The following LMLN variants were observed in gnomAD, a reference collection of about 807,000 sequenced individuals.
LMLN encodes leishmanolysin like peptidase, also known as leishmanolysin-like peptidase.
Under a neutral mutation model 92.3 loss-of-function variants are expected in LMLN, and 70 were observed. The observed-to-expected ratio is 0.76, with a 90% CI of 0.63 to 0.92. The LOEUF (loss-of-function observed/expected upper bound fraction) is 0.92. Among genes scored for constraint, LMLN ranks in the 40% least tolerant of loss-of-function variants. The pLI, the probability that LMLN is intolerant of heterozygous loss-of-function variation, is 0.00. For missense variants in LMLN, 691 were observed against 814.6 expected, an observed-to-expected ratio of 0.85 and a Z score of 1.85; for synonymous variants, 308 against 296.2, an observed-to-expected ratio of 1.04 and a Z score of -0.41.
chr3:197,988,733 G>A (rs932448824), intron 8 of LMLN, among the ~76,000 whole-genome samples: 10 of 152,050 alleles, frequency 6.6e-5, no homozygotes, highest in African/African-American at 2.4e-4. Context: ...CCAGGCTGGA[G>A]TGCTGTGGCG....
chr3:197,980,059 T>G (rs1721513308), intron 5 of LMLN, among the ~76,000 whole-genome samples: 1 of 152,200 alleles, frequency 6.6e-6, no homozygotes, highest in Admixed American at 6.5e-5. Context: ...GCGTCCTGTT[T>G]GGTTGGCCTT....
chr3:198,014,103 T>C (rs1387534374), intron 11 of LMLN, among the ~76,000 whole-genome samples: 586 of 83,402 alleles, frequency 7.0e-3, no homozygotes, highest in Middle Eastern at 0.02. Context: ...CCCTTCAGAG[T>C]CCCCTAACTA....
chr3:197,977,417 C>T (rs369757782), intron 5 of LMLN, among the ~76,000 whole-genome samples: 10 of 151,704 alleles, frequency 6.6e-5, no homozygotes, highest in African/African-American at 2.2e-4. Context: ...TCTGGAAGTA[C>T]ACACATGTTA....
intron 15 of LMLN, among the ~76,000 whole-genome samples, chr3:198,036,512 G>A (rs1723238775): frequency 6.6e-6 from 1 of 152,192 alleles, no homozygotes; most frequent in South Asian, 2.1e-4. Flanking sequence ...CATGCGAAAT[G>A]AGACAGAGAG....
chr3:197,963,321 A>T (rs747978659), intron 1 of LMLN, among the ~76,000 whole-genome samples: 2 of 151,356 alleles, frequency 1.3e-5, no homozygotes, highest in Non-Finnish European at 2.9e-5. Context: ...CTTCTGCCTT[A>T]ATCTCCCAAG....
intron 11 of LMLN, among the ~76,000 whole-genome samples, chr3:198,012,901 T>G (rs1194482226): frequency 3.1e-5 from 4 of 127,880 alleles, no homozygotes; most frequent in Non-Finnish European, 4.7e-5. Context: ...TAGTCTGACT[T>G]CTCTGTACCC....
chr3:198,038,363 A>G (rs1457315134), intron 15 of LMLN: 2 of 502,852 alleles, frequency 4.0e-6, no homozygotes, highest in East Asian at 3.3e-5. Context: ...TAGTGGATAC[A>G]TCATTTCTTC....
chr3:197,967,944 G>T (rs1721105166), intron 1 of LMLN, among the ~76,000 whole-genome samples: 1 of 152,114 alleles, frequency 6.6e-6, no homozygotes, highest in South Asian at 2.1e-4. Flanking sequence ...GCTGTATTCT[G>T]CCCAACTCCT....
chr3:197,978,024 C>G (rs1721449337), intron 5 of LMLN, among the ~76,000 whole-genome samples: 1 of 151,574 alleles, frequency 6.6e-6, no homozygotes, highest in Non-Finnish European at 1.5e-5. Flanking sequence ...TAAAAATCAT[C>G]AAACCATCTG....
chr3:197,967,710 C>G (rs1285451463), intron 1 of LMLN, among the ~76,000 whole-genome samples: 2 of 152,124 alleles, frequency 1.3e-5, no homozygotes, highest in African/African-American at 4.8e-5. Context: ...GGGGTTTTTT[C>G]CCCACCCTAA....
chr3:197,970,221 TG>T (rs1459321962), intron 1 of LMLN, among the ~76,000 whole-genome samples: 1 of 152,144 alleles, frequency 6.6e-6, no homozygotes, highest in Non-Finnish European at 1.5e-5. Context: ...TTACAATTTT[TG>T]CTTTAAATAT....
chr3:197,981,806 CTTT>C (rs560078859), intron 6 of LMLN, among the ~76,000 whole-genome samples: 2 of 140,752 alleles, frequency 1.4e-5, no homozygotes, highest in African/African-American at 2.6e-5. Flanking sequence ...GTCAGCTAGT[CTTT>C]TTTTTTTTTT....
chr3:197,975,504 C>T (rs771151442), intron 3 of LMLN, among the ~76,000 whole-genome samples: 28 of 148,126 alleles, frequency 1.9e-4, no homozygotes, highest in Non-Finnish European at 2.4e-4. Context: ...CACACGCGCA[C>T]GTGCACGCAC....
chr3:197,993,229 A>G (rs1482995515), intron 9 of LMLN, among the ~76,000 whole-genome samples: 1 of 152,186 alleles, frequency 6.6e-6, no homozygotes, highest in Non-Finnish European at 1.5e-5. Flanking sequence ...GAACACTCTT[A>G]CCACTTGTAC....
At chr3:198,001,049 C>G (rs1346332493) in intron 11 of LMLN, among the ~76,000 whole-genome samples, 2 of 152,198 alleles carry the variant, frequency 1.3e-5, no homozygotes, top group Admixed American at 1.3e-4. Context: ...TACTCCCTCA[C>G]TAGTGCTCAT....
At chr3:197,968,718 A>G (rs112323412) in intron 1 of LMLN, among the ~76,000 whole-genome samples, 3,009 of 152,284 alleles carry the variant, frequency 0.02, 116 homozygotes, top group African/African-American at 0.069. Flanking sequence ...TGCTGGTCTC[A>G]TAGCATGAGT....
chr3:197,998,209 G>T (rs1466246047), intron 10 of LMLN, among the ~76,000 whole-genome samples: 3 of 152,198 alleles, frequency 2.0e-5, no homozygotes, highest in Non-Finnish European at 4.4e-5. Flanking sequence ...GAAAGATCAT[G>T]TCCCAAATAG....
chr3:197,999,518 C>T lies in LMLN; in HGVS notation c.1232+176C>T, dbSNP rs545165160. The stretch of plus-strand genomic sequence containing the variant: ...TACCAACTCCATTCATTCATTCGTT[C>T]ATTCAATAAATACTTTTGTTGTTGG... On this transcript the variant is annotated intron_variant, in intron 11 of 15. Coordinates refer to ENST00000330198, the Ensembl canonical transcript of LMLN. 8 of 594,956 alleles carry T rather than the reference C, an allele frequency of 1.3e-5. No homozygotes were observed. In the South Asian group the frequency reaches 1.7e-4, roughly 12 times the overall value. 36.9% of individuals were successfully genotyped at this position (594,956 alleles called of 1,614,324 possible).
Position 198,042,193 on chromosome 3 carries a change from T to A in LMLN, c.*3526T>A, listed in dbSNP as rs1318224322. On this transcript the variant is annotated 3_prime_UTR_variant, in exon 16 of 16. Coordinates refer to ENST00000330198, the Ensembl canonical transcript of LMLN. This position sits in a 1 kb window ranked among gnomAD's most constrained non-coding sequence, Gnocchi z 4.2. Reference sequence around the variant, plus strand: ...TACCCAGCAAGACTTAGAAGGACACTGAACCTGTCAGAGATTTTAAGAGGC... The same window carrying A: ...TACCCAGCAAGACTTAGAAGGACACAGAACCTGTCAGAGATTTTAAGAGGC... 6.6e-6 allele frequency: 1 copy of A among 152,192 alleles called. No homozygotes were observed. Among genetic ancestry groups the A allele is most frequent in the Non-Finnish European group, 1.5e-5 (1 of 68,046 alleles). 9.4% of individuals were successfully genotyped at this position (152,192 alleles called of 1,614,324 possible).
Sources: allele counts gnomAD v4.1 joint callset (sites outside exome capture counted in the v4.1 genomes callset), GRCh38; gene constraint gnomAD v4.1.1; non-coding constraint Gnocchi (gnomAD v3.1); transcripts MANE v1.5; gene names NCBI Gene and HGNC (gene_info 2026-07-23, HGNC 2026-07-21).